The following ZDHHC12 variants were observed in gnomAD, a reference collection of about 807,000 sequenced individuals.
The protein encoded by ZDHHC12 is palmitoyltransferase ZDHHC12.
In ZDHHC12, 26 loss-of-function variants were observed where a neutral mutation model predicts 33.2. The ratio of observed to expected loss-of-function variants is 0.78; its 90% CI spans 0.57 to 1.09. ZDHHC12 has a LOEUF of 1.09. ZDHHC12 is among the 50% of genes least tolerant of loss of function. The pLI, the probability that ZDHHC12 is intolerant of heterozygous loss-of-function variation, is 0.00. For missense variants in ZDHHC12, 350 were observed against 353.0 expected, an observed-to-expected ratio of 0.99 and a Z score of 0.07; for synonymous variants, 154 against 152.1, an observed-to-expected ratio of 1.01 and a Z score of -0.09.
Position 128,721,500 on chromosome 9 carries a change from G to A in ZDHHC12, c.485C>T (p.Ser162Leu). The change falls in exon 5 of 5, where the codon TCA becomes TTA. Residue 162 changes from serine (S) to leucine (L), a missense_variant and splice_region_variant. Physicochemically the swap from Ser to Leu is moderately radical, Grantham distance 145 (BLOSUM62 -2). Coordinates refer to ENST00000372663, the MANE Select transcript of ZDHHC12 (RefSeq NM_032799.5). This position sits in a 1 kb window ranked among gnomAD's most constrained non-coding sequence, Gnocchi z 6.9. ...CCAGGGCTGGAAGAACCGGAGGCCT[G>A]ACCTGCGGTGCAGGGGACAGGGGCC... ...VLLWGLYLAW[S>L]GLRFFQPWGQ... The A allele has an allele frequency of 6.2e-7, 1 of 1,601,336 alleles. No homozygotes were observed. Among genetic ancestry groups the A allele is most frequent in the Non-Finnish European group, 8.5e-7 (1 of 1,174,336 alleles).
rs763707000 is a variant in ZDHHC12, at chr9:128,721,416, A to T, written c.569T>A (p.Phe190Tyr). ...LFATFLLLSLFSLVASLLLVS... is the reference protein window; with the variant it reads ...LFATFLLLSLYSLVASLLLVS... ...GAGGAGCAGGCTGGCCACCAACGAG[A>T]AGAGGGACAGCAGCAGGAAGGTGGC... The change falls in exon 5 of 5, where the codon TTC becomes TAC. Residue 190 changes from phenylalanine to tyrosine, a missense_variant. Transcript: ENST00000372663. This position sits in a 1 kb window ranked among gnomAD's most constrained non-coding sequence, Gnocchi z 6.9. The T allele has an allele frequency of 1.6e-4, 254 of 1,582,326 alleles. No homozygotes were observed. The highest frequency in any genetic ancestry group is 2.1e-4 in the Non-Finnish European group (248 of 1,164,740).
chr9:128,722,968 T>A lies in ZDHHC12; in HGVS notation c.101-394A>T. Reference sequence around the variant, plus strand: ...GGATGTGGGAGAGAGGGAAGAGGGGTCCAGCGTCTCTGGCTCTGCAATGGT... The same window carrying A: ...GGATGTGGGAGAGAGGGAAGAGGGGACCAGCGTCTCTGGCTCTGCAATGGT... On this transcript the variant is annotated intron_variant, in intron 1 of 4. Coordinates refer to ENST00000372663, the MANE Select transcript of ZDHHC12 (RefSeq NM_032799.5). The surrounding 1 kb of genome is among the most constrained non-coding windows in gnomAD (Gnocchi z 4.2). 4.3e-6 allele frequency: 1 copy of A among 234,832 alleles called. No homozygotes were observed. Among genetic ancestry groups the A allele is most frequent in the Non-Finnish European group, 8.3e-6 (1 of 120,708 alleles). 14.5% of individuals were successfully genotyped at this position (234,832 alleles called of 1,614,324 possible).
In ZDHHC12 at chr9:128,722,782, C is replaced by G. The variant is rs1862609200; in HGVS notation, c.101-208G>C. 1 of 1,402,370 alleles carries G rather than the reference C, an allele frequency of 7.1e-7. No individual in the cohort carries two copies. Among genetic ancestry groups the G allele is most frequent in the Non-Finnish European group, 9.3e-7 (1 of 1,072,724 alleles). The allele number at this position is 1,402,370 out of a possible 1,614,324, so 86.9% of individuals were successfully genotyped here. On this transcript the variant is annotated intron_variant, in intron 1 of 4. Coordinates refer to ENST00000372663, the MANE Select transcript of ZDHHC12 (RefSeq NM_032799.5). This position sits in a 1 kb window ranked among gnomAD's most constrained non-coding sequence, Gnocchi z 4.2. ...ACCATGGAAGGTTATAGAGCCAGAT[C>G]TGTTTTGGAAAACCTCATTGCTAAA... is the stretch of plus-strand genomic sequence containing the variant.
rs757528525 is a variant in ZDHHC12, at chr9:128,724,037, C to T, written c.57G>A (p.Val19=). 1.1e-5 allele frequency: 17 copies of T among 1,612,486 alleles called. No homozygotes were observed. Among genetic ancestry groups the T allele is most frequent in the Non-Finnish European group, 1.3e-5 (15 of 1,179,186 alleles). Residue 19 remains valine (V), a synonymous_variant, in exon 1 of 5, where the codon GTG becomes GTA. Transcript: ENST00000372663. ...PGVLVRTGHT[V]LTWGITLVLF... Reference sequence around the variant, plus strand: ...GCACCAGCGTGATTCCCCAGGTCAGCACGGTGTGCCCGGTCCGCACCAGGA... The same window carrying T: ...GCACCAGCGTGATTCCCCAGGTCAGTACGGTGTGCCCGGTCCGCACCAGGA...
chr9:128,722,471 G>T lies in ZDHHC12; in HGVS notation c.204C>A (p.Asp68Glu). The T allele has an allele frequency of 1.9e-6, 3 of 1,554,638 alleles. No homozygotes were observed. The South Asian group carries it at 3.6e-5, about 19-fold the overall frequency. The change falls in exon 2 of 5, where the codon GAC becomes GAA. Residue 68 changes from aspartate (D) to glutamate (E), a missense_variant. By Grantham distance (45) the Asp-to-Glu change is conservative (BLOSUM62 2). Transcript: ENST00000372663. This position sits in a 1 kb window ranked among gnomAD's most constrained non-coding sequence, Gnocchi z 4.2. Reference protein sequence around the residue: ...LLLYLAVSLMDPGYVNVQPQP... With the variant: ...LLLYLAVSLMEPGYVNVQPQP... Reference sequence around the variant, plus strand: ...GGGGCTGCACATTCACGTAGCCAGGGTCCATGAGTGACACAGCGAGGTAGA... The same window carrying T: ...GGGGCTGCACATTCACGTAGCCAGGTTCCATGAGTGACACAGCGAGGTAGA...
Position 128,722,070 on chromosome 9 carries a change from T to A in ZDHHC12, c.254A>T (p.Glu85Val). The A allele has an allele frequency of 6.2e-7, 1 of 1,613,820 alleles. No individual in the cohort carries two copies. Among genetic ancestry groups the A allele is most frequent in the Non-Finnish European group, 8.5e-7 (1 of 1,179,928 alleles). Residue 85 changes from glutamate (E) to valine (V), a missense_variant, in exon 3 of 5, where the codon GAG becomes GTG. Coordinates refer to ENST00000372663, the MANE Select transcript of ZDHHC12 (RefSeq NM_032799.5). This position sits in a 1 kb window ranked among gnomAD's most constrained non-coding sequence, Gnocchi z 4.2. Reference sequence around the variant, plus strand: ...GGCTGGAGGAACCATGGCTGTCTGCTCCTCTTTGAGCTCCTCCTGGAATGA... The same window carrying A: ...GGCTGGAGGAACCATGGCTGTCTGCACCTCTTTGAGCTCCTCCTGGAATGA... The part of the protein sequence containing the change: ...QPQPQEELKE[E>V]QTAMVPPAIP...
Position 128,722,537 on chromosome 9 carries a change from C to T in ZDHHC12, c.138G>A (p.Leu46=), listed in dbSNP as rs770217141. The change falls in exon 2 of 5, where the codon CTG becomes CTA. Residue 46 remains leucine, a synonymous_variant. Coordinates refer to ENST00000372663, the MANE Select transcript of ZDHHC12 (RefSeq NM_032799.5). The surrounding 1 kb of genome is among the most constrained non-coding windows in gnomAD (Gnocchi z 4.2). The stretch of plus-strand genomic sequence containing the variant: ...GCACCAGGAGCAGGAAGGTGAGGGG[C>T]AGGAGCAGCTCCCCCTGCTCCTCCC... ...RQWEEQGELL[L]PLTFLLLVLG... is the part of the protein sequence containing the mutation. The T allele has an allele frequency of 6.3e-7, 1 of 1,591,426 alleles. No homozygotes were observed. The highest frequency in any genetic ancestry group is 1.3e-5 in the African/African-American group (1 of 74,572).
rs749333999 is a variant in ZDHHC12, at chr9:128,721,383, T to G, written c.602A>C (p.His201Pro). 2 of 1,581,260 alleles carry G rather than the reference T, an allele frequency of 1.3e-6. No homozygotes were observed. The highest frequency in any genetic ancestry group is 1.2e-5 in the South Asian group (1 of 86,864). Reference sequence around the variant, plus strand: ...GGTGTTGCTGGCCACCAGGTAGAGGTGCGAGACGAGGAGCAGGCTGGCCAC... The same window carrying G: ...GGTGTTGCTGGCCACCAGGTAGAGGGGCGAGACGAGGAGCAGGCTGGCCAC... The part of the protein sequence containing the change: ...SLVASLLLVS[H>P]LYLVASNTTT... The change falls in exon 5 of 5, where the codon CAC becomes CCC. Residue 201 changes from histidine (H) to proline (P), a missense_variant. Transcript: ENST00000372663. This position sits in a 1 kb window ranked among gnomAD's most constrained non-coding sequence, Gnocchi z 6.9.
rs763917088 is a variant in ZDHHC12, at chr9:128,723,914, C to A, written c.100+80G>T. On this transcript the variant is annotated intron_variant, in intron 1 of 4. Coordinates refer to ENST00000372663, the MANE Select transcript of ZDHHC12 (RefSeq NM_032799.5). The surrounding 1 kb of genome is among the most constrained non-coding windows in gnomAD (Gnocchi z 4.4). ...AATCCCAGGATCTCCAGGGATTAGG[C>A]GGGAGACCCAGTGTGACCAGAACGT... 1.8e-5 allele frequency: 27 copies of A among 1,532,316 alleles called. No homozygotes were observed. The highest frequency in any genetic ancestry group is 3.9e-5 in the Admixed American group (2 of 50,912). The allele number at this position is 1,532,316 out of a possible 1,614,324, so 94.9% of individuals were successfully genotyped here.
rs1862583045 is a variant in ZDHHC12 at position 128,722,166 on chromosome 9, C to T, written c.238-80G>A. 6.4e-7 allele frequency: 1 copy of T among 1,551,748 alleles called. No individual in the cohort carries two copies. Among genetic ancestry groups the T allele is most frequent in the African/African-American group, 1.4e-5 (1 of 73,744 alleles). On this transcript the variant is annotated intron_variant, in intron 2 of 4. Coordinates refer to ENST00000372663, the MANE Select transcript of ZDHHC12 (RefSeq NM_032799.5). This position sits in a 1 kb window ranked among gnomAD's most constrained non-coding sequence, Gnocchi z 4.2. ...GGCGGGCAGCTCCCCTAGGGGCCGGCTTAGCTCTGGGTATGGAGTTTGGGA... is the reference window on the plus strand; with the variant it reads ...GGCGGGCAGCTCCCCTAGGGGCCGGTTTAGCTCTGGGTATGGAGTTTGGGA...
Position 128,720,925 on chromosome 9 carries a change from C to T in ZDHHC12, c.*256G>A. 1.8e-6 allele frequency: 1 copy of T among 561,128 alleles called. No individual in the cohort carries two copies. The highest frequency in any genetic ancestry group is 3.0e-5 in the East Asian group (1 of 33,096). The allele number at this position is 561,128 out of a possible 1,614,324, so 34.8% of individuals were successfully genotyped here. A position where few individuals can be genotyped will look rare whatever the true frequency, so the allele number is the denominator to read the frequency against. On this transcript the variant is annotated 3_prime_UTR_variant, in exon 5 of 5. Transcript: ENST00000372663. This position sits in a 1 kb window ranked among gnomAD's most constrained non-coding sequence, Gnocchi z 5.5. ...TTAAATTTGTAAAAGTGTGCACTGGCAGCAGCCTGGGCGGGGCTGGGGTGG... is the reference window on the plus strand; with the variant it reads ...TTAAATTTGTAAAAGTGTGCACTGGTAGCAGCCTGGGCGGGGCTGGGGTGG...
Position 128,721,820 on chromosome 9 carries a change from G to C in ZDHHC12, c.316-3C>G. The C allele has an allele frequency of 6.2e-7, 1 of 1,612,414 alleles. No individual in the cohort carries two copies. Among genetic ancestry groups the C allele is most frequent in the African/African-American group, 1.3e-5 (1 of 75,056 alleles). On this transcript the variant is annotated splice_region_variant and splice_polypyrimidine_tract_variant and intron_variant, in intron 3 of 4. Coordinates refer to ENST00000372663, the MANE Select transcript of ZDHHC12 (RefSeq NM_032799.5). The surrounding 1 kb of genome is among the most constrained non-coding windows in gnomAD (Gnocchi z 6.9). ...CAGTGCCGAGCCCTCAGGGGCTGCT[G>C]TGGGCATGGAGGAGAGTGGAGGCTC... is the stretch of plus-strand genomic sequence containing the variant.
In ZDHHC12 at chr9:128,722,679, GC is replaced by G; in HGVS notation, c.101-106del. On this transcript the variant is annotated intron_variant, in intron 1 of 4. Transcript: ENST00000372663. The surrounding 1 kb of genome is among the most constrained non-coding windows in gnomAD (Gnocchi z 4.2). ...GAAGTGTGTTCCTGGCTGAGCAAAGGCCTGGAGATGTTGGTTCCATGAGTGG... is the reference window on the plus strand; with the variant it reads ...GAAGTGTGTTCCTGGCTGAGCAAAGGCTGGAGATGTTGGTTCCATGAGTGG... The G allele has an allele frequency of 1.3e-6, 2 of 1,502,520 alleles. No homozygotes were observed. The highest frequency in any genetic ancestry group is 1.8e-6 in the Non-Finnish European group (2 of 1,120,290). The allele number at this position is 1,502,520 out of a possible 1,614,324, so 93.1% of individuals were successfully genotyped here.
At position 128,721,506 on chromosome 9, in the gene ZDHHC12, C is replaced by CGGTGCAGGGGACAGGGGCCT; in HGVS notation, c.483-24_483-5dup. The CGGTGCAGGGGACAGGGGCCT allele has an allele frequency of 6.2e-7, 1 of 1,601,736 alleles. No individual in the cohort carries two copies. The highest frequency in any genetic ancestry group is 8.5e-7 in the Non-Finnish European group (1 of 1,174,446). On this transcript the variant is annotated splice_polypyrimidine_tract_variant and splice_region_variant and intron_variant, in intron 4 of 4. Coordinates refer to ENST00000372663, the MANE Select transcript of ZDHHC12 (RefSeq NM_032799.5). The surrounding 1 kb of genome is among the most constrained non-coding windows in gnomAD (Gnocchi z 6.9). Reference sequence around the variant, plus strand: ...CTGGAAGAACCGGAGGCCTGACCTGCGGTGCAGGGGACAGGGGCCTGGTGC... The same window carrying CGGTGCAGGGGACAGGGGCCT: ...CTGGAAGAACCGGAGGCCTGACCTGCGGTGCAGGGGACAGGGGCCTGGTGCAGGGGACAGGGGCCTGGTGC...
Position 128,722,730 on chromosome 9 carries a change from G to A in ZDHHC12, c.101-156C>T, listed in dbSNP as rs1449387208. 1.4e-6 allele frequency: 2 copies of A among 1,449,640 alleles called. No individual in the cohort carries two copies. The highest frequency in any genetic ancestry group is 1.8e-6 in the Non-Finnish European group (2 of 1,095,878). 89.8% of individuals were successfully genotyped at this position (1,449,640 alleles called of 1,614,324 possible). A position where few individuals can be genotyped will look rare whatever the true frequency, so the allele number is the denominator to read the frequency against. On this transcript the variant is annotated intron_variant, in intron 1 of 4. Coordinates refer to ENST00000372663, the MANE Select transcript of ZDHHC12 (RefSeq NM_032799.5). This position sits in a 1 kb window ranked among gnomAD's most constrained non-coding sequence, Gnocchi z 4.2. Reference sequence around the variant, plus strand: ...GCTGTGTGTGGCCAGCAGTTCATCTGCACTTTTATCTGGAGGGTCAGAGGG... The same window carrying A: ...GCTGTGTGTGGCCAGCAGTTCATCTACACTTTTATCTGGAGGGTCAGAGGG...
At position 128,722,776 on chromosome 9, in the gene ZDHHC12, C is replaced by T. The variant is rs1162207716; in HGVS notation, c.101-202G>A. 3.1e-5 allele frequency: 43 copies of T among 1,406,890 alleles called. 1 individual carries two copies. The East Asian group carries it at 1.2e-3, about 40-fold the overall frequency. 87.2% of individuals were successfully genotyped at this position (1,406,890 alleles called of 1,614,324 possible). ...GAGGGAACCATGGAAGGTTATAGAG[C>T]CAGATCTGTTTTGGAAAACCTCATT... On this transcript the variant is annotated intron_variant, in intron 1 of 4. Coordinates refer to ENST00000372663, the MANE Select transcript of ZDHHC12 (RefSeq NM_032799.5). This position sits in a 1 kb window ranked among gnomAD's most constrained non-coding sequence, Gnocchi z 4.2.
rs751681690 is a variant in ZDHHC12, at chr9:128,724,021, T to G, written c.73A>C (p.Thr25Pro). 30 of 1,612,936 alleles carry G rather than the reference T, an allele frequency of 1.9e-5. No individual in the cohort carries two copies. Among genetic ancestry groups the G allele is most frequent in the Non-Finnish European group, 2.4e-5 (28 of 1,179,508 alleles). Residue 25 changes from threonine to proline, a missense_variant, in exon 1 of 5, where the codon ACG (threonine) becomes CCG (proline). Physicochemically the swap from Thr to Pro is conservative, Grantham distance 38 (BLOSUM62 -1). Transcript: ENST00000372663. ...TGHTVLTWGI[T>P]LVLFLHDTEL... ...GTATCGTGCAGGAAGAGCACCAGCG[T>G]GATTCCCCAGGTCAGCACGGTGTGC...
In ZDHHC12 at chr9:128,722,643, T is replaced by G. The variant is rs540210034; in HGVS notation, c.101-69A>C. ...AGGAGTGGGTGGGGTTGGGGTGCAGTTGGAGGTGGGGAAGTGTGTTCCTGG... is the reference window on the plus strand; with the variant it reads ...AGGAGTGGGTGGGGTTGGGGTGCAGGTGGAGGTGGGGAAGTGTGTTCCTGG... On this transcript the variant is annotated intron_variant, in intron 1 of 4. Transcript: ENST00000372663. This position sits in a 1 kb window ranked among gnomAD's most constrained non-coding sequence, Gnocchi z 4.2. 3.2e-6 allele frequency: 5 copies of G among 1,548,658 alleles called. No homozygotes were observed. The highest frequency in any genetic ancestry group is 3.5e-6 in the Non-Finnish European group (4 of 1,145,150).
Position 128,721,359 on chromosome 9 carries a change from G to A in ZDHHC12, c.626C>T (p.Thr209Ile), listed in dbSNP as rs201419724. Reference protein sequence around the residue: ...VSHLYLVASNTTTWEFISSHR... With the variant: ...VSHLYLVASNITTWEFISSHR... Reference sequence around the variant, plus strand: ...TGAGGAGATGAATTCCCAGGTGGTGGTGTTGCTGGCCACCAGGTAGAGGTG... The same window carrying A: ...TGAGGAGATGAATTCCCAGGTGGTGATGTTGCTGGCCACCAGGTAGAGGTG... The change falls in exon 5 of 5, where the codon ACC becomes ATC. Residue 209 changes from threonine (T) to isoleucine (I), a missense_variant. By Grantham distance (89) the Thr-to-Ile change is moderately conservative. Transcript: ENST00000372663. This position sits in a 1 kb window ranked among gnomAD's most constrained non-coding sequence, Gnocchi z 6.9. 1 of 1,587,638 alleles carries A rather than the reference G, an allele frequency of 6.3e-7. No homozygotes were observed.
Sources: gnomAD v4.1 joint callset for allele counts on GRCh38, gnomAD v4.1.1 for gene constraint, Gnocchi (gnomAD v3.1) non-coding constraint, MANE v1.5 for transcripts, NCBI Gene and HGNC (gene_info 2026-07-23, HGNC 2026-07-21) for gene names.